UGGT1: variants seen among roughly 807,000 people sequenced by gnomAD.
UGGT1 encodes UDP-glucose glycoprotein glucosyltransferase 1, also known as UDP-glucose:glycoprotein glucosyltransferase 1.
Under a neutral mutation model 203.9 loss-of-function variants are expected in UGGT1, and 107 were observed. That is an observed-to-expected ratio of 0.52 (90% confidence interval 0.45 to 0.62). The LOEUF is 0.62. Ranked by LOEUF, UGGT1 falls within the 20% of genes least tolerant of loss-of-function variation. UGGT1 has a pLI of 0.00. For missense variants in UGGT1, 1,673 were observed against 1,867.2 expected (o/e 0.90, Z 1.92); for synonymous variants, 628 against 653.5 (o/e 0.96, Z 0.59).
intron 38 of UGGT1, among the ~76,000 whole-genome samples, chr2:128,186,349 A>G (rs1691981195): frequency 6.6e-6 from 1 of 152,184 alleles, no homozygotes; most frequent in Admixed American, 6.5e-5. Flanking sequence ...GCTCATGCCT[A>G]TAATCTCAGC....
intron 16 of UGGT1, among the ~76,000 whole-genome samples, chr2:128,139,281 T>C (rs186859754): frequency 2.0e-5 from 3 of 152,310 alleles, no homozygotes; most frequent in Admixed American, 2.0e-4. Flanking sequence ...AGACCAGATC[T>C]TGTTGTGTTG....
intron 37 of UGGT1, 60 bp from the exon 38 acceptor site, chr2:128,183,615 G>T: frequency 7.8e-7 from 1 of 1,283,094 alleles, no homozygotes; most frequent in Non-Finnish European, 1.1e-6. Context: ...TTATTCATTG[G>T]GTTTAGTTTT....
At chr2:128,115,498 A>G (rs920842418) in intron 7 of UGGT1, among the ~76,000 whole-genome samples, 1 of 151,544 alleles carries the variant, frequency 6.6e-6, no homozygotes, top group East Asian at 1.9e-4. Flanking sequence ...AAAAAAAAAA[A>G]AAAAAAACAA....
chr2:128,164,702 T>G, intron 25 of UGGT1, 28 bp from the exon 26 acceptor site: 1 of 1,597,462 alleles, frequency 6.3e-7, no homozygotes, highest in Non-Finnish European at 8.6e-7. Flanking sequence ...TAAAAAGATG[T>G]TAAGATTTCT....
chr2:128,159,038 G>A (rs747224236), intron 22 of UGGT1, among the ~76,000 whole-genome samples: 2 of 151,234 alleles, frequency 1.3e-5, no homozygotes, highest in Non-Finnish European at 2.9e-5. Flanking sequence ...GGTTTTGAAT[G>A]CTTGATGATG....
rs1692317131 is a variant in UGGT1 at position 128,192,529 on chromosome 2, CTTTTG to C, written c.*2791_*2795del. 1 of 152,072 alleles carries C rather than the reference CTTTTG, an allele frequency of 6.6e-6. No individual in the cohort carries two copies. Among genetic ancestry groups the C allele is most frequent in the African/African-American group, 2.4e-5 (1 of 41,408 alleles). 9.4% of individuals were successfully genotyped at this position (152,072 alleles called of 1,614,324 possible). A position where few individuals can be genotyped will look rare whatever the true frequency, so the allele number is the denominator to read the frequency against. On this transcript the variant is annotated 3_prime_UTR_variant, in exon 41 of 41. Coordinates refer to ENST00000259253, the MANE Select transcript of UGGT1 (RefSeq NM_020120.4). Reference sequence around the variant, plus strand: ...TCTCTCAATCATGCCATAGTGGAGACTTTTGTTTGTGAGTAAGTGACAGAGTAATA... The same window carrying C: ...TCTCTCAATCATGCCATAGTGGAGACTTTGTGAGTAAGTGACAGAGTAATA...
intron 37 of UGGT1, among the ~76,000 whole-genome samples, chr2:128,183,230 A>T (rs1691798696): frequency 6.6e-6 from 1 of 152,226 alleles, no homozygotes; most frequent in Non-Finnish European, 1.5e-5. Flanking sequence ...GAAGCGGCAC[A>T]TGCAGAGATC....
In UGGT1 at chr2:128,194,171, C is replaced by G. The variant is rs1484280809; in HGVS notation, c.*4429C>G. On this transcript the variant is annotated 3_prime_UTR_variant, in exon 41 of 41. Coordinates refer to ENST00000259253, the MANE Select transcript of UGGT1 (RefSeq NM_020120.4). The stretch of plus-strand genomic sequence containing the variant: ...ACAATGGTGTGACCTTGGCTCACTG[C>G]AACCTCTGCCTCCTGGGTTCAGGTG... 6.6e-6 allele frequency: 1 copy of G among 152,176 alleles called. No homozygotes were observed. Among genetic ancestry groups the G allele is most frequent in the Non-Finnish European group, 1.5e-5 (1 of 68,122 alleles). 9.4% of individuals were successfully genotyped at this position (152,176 alleles called of 1,614,324 possible).
intron 3 of UGGT1, among the ~76,000 whole-genome samples, chr2:128,105,014 G>T (rs1558752389): frequency 6.8e-6 from 1 of 146,182 alleles, no homozygotes. Context: ...TTAATGGGTT[G>T]TTTTTTTTTT....
intron 2 of UGGT1, chr2:128,103,115 A>G: frequency 2.1e-6 from 1 of 470,980 alleles, no homozygotes; most frequent in South Asian, 1.5e-5. Flanking sequence ...CCCAGTGTTC[A>G]CAAGTAATGG....
chr2:128,132,708 A>G (rs13000119), intron 13 of UGGT1, among the ~76,000 whole-genome samples: 5,284 of 151,360 alleles, frequency 0.035, 124 homozygotes, highest in Non-Finnish European at 0.053. Context: ...CGATCTTTGT[A>G]TCTTTTTTGT....
At chr2:128,111,440 A>G (rs1213470625) in intron 5 of UGGT1, among the ~76,000 whole-genome samples, 1 of 152,226 alleles carries the variant, frequency 6.6e-6, no homozygotes, top group African/African-American at 2.4e-5. Flanking sequence ...AGAATTGGCA[A>G]GTAATATGCT....
At chr2:128,169,323 A>G (rs952659268) in intron 26 of UGGT1, among the ~76,000 whole-genome samples, 3 of 152,166 alleles carry the variant, frequency 2.0e-5, no homozygotes, top group Non-Finnish European at 2.9e-5. Flanking sequence ...GTGAACCATG[A>G]TCACGCCACT....
intron 22 of UGGT1, among the ~76,000 whole-genome samples, chr2:128,157,629 T>C (rs1456133596): frequency 6.6e-6 from 1 of 152,240 alleles, no homozygotes; most frequent in African/African-American, 2.4e-5. Flanking sequence ...GTTCATGTTC[T>C]TGGAGCAGAG....
At chr2:128,134,405 A>G (rs1030643328) in intron 14 of UGGT1, among the ~76,000 whole-genome samples, 5 of 152,172 alleles carry the variant, frequency 3.3e-5, no homozygotes, top group African/African-American at 9.7e-5. Context: ...GTTTTACCAC[A>G]TGTCTGAACT....
At chr2:128,125,044 C>T (rs895335848) in intron 11 of UGGT1, among the ~76,000 whole-genome samples, 15 of 152,136 alleles carry the variant, frequency 9.9e-5, no homozygotes, top group African/African-American at 3.6e-4. Flanking sequence ...TGTTCCTTTT[C>T]TTTTGGGTTG....
At chr2:128,114,983 G>A (rs939405639) in intron 6 of UGGT1, 141 bp from the exon 7 acceptor site, 5 of 731,768 alleles carry the variant, frequency 6.8e-6, no homozygotes, top group Admixed American at 3.0e-5. Flanking sequence ...AGTTAATATC[G>A]TTAAAAAACA....
chr2:128,135,762 CAA>C (rs1179753291), intron 15 of UGGT1, among the ~76,000 whole-genome samples: 2 of 151,614 alleles, frequency 1.3e-5, no homozygotes, highest in African/African-American at 4.8e-5. Flanking sequence ...TTCAGGGAAA[CAA>C]AAAAAATCAT....
intron 2 of UGGT1, among the ~76,000 whole-genome samples, chr2:128,099,837 A>G (rs943940756): frequency 2.0e-5 from 3 of 152,162 alleles, no homozygotes; most frequent in Non-Finnish European, 4.4e-5. Flanking sequence ...AGTTCTTATT[A>G]TGGGGGAAAA....
Sources: gnomAD v4.1 joint callset for allele counts (sites outside exome capture counted in the v4.1 genomes callset) on GRCh38, gnomAD v4.1.1 for gene constraint, MANE v1.5 for transcripts, NCBI Gene and HGNC (gene_info 2026-07-23, HGNC 2026-07-21) for gene names.